Variants in ARPP21 observed in about 807,000 individuals in gnomAD.
ARPP21 encodes the protein cAMP-regulated phosphoprotein 21.
In ARPP21, 69 loss-of-function variants were observed where a neutral mutation model predicts 113.2. The ratio of observed to expected loss-of-function variants is 0.61; its 90% CI spans 0.50 to 0.74. The LOEUF (loss-of-function observed/expected upper bound fraction) is 0.74, where lower values mean the gene tolerates loss of function less well. ARPP21 is among the 30% of genes least tolerant of loss of function. The pLI is 0.00. For missense variants in ARPP21, 1,070 were observed against 1,037.4 expected, an observed-to-expected ratio of 1.03 and a Z score of -0.43; for synonymous variants, 368 against 375.5, an observed-to-expected ratio of 0.98 and a Z score of 0.23.
intron 15 of ARPP21, among the ~76,000 whole-genome samples, chr3:35,734,053 C>T (rs983265907): frequency 6.6e-6 from 1 of 152,012 alleles, no homozygotes; most frequent in African/African-American, 2.4e-5. Context: ...AGTAAAAATC[C>T]TTTCTTTTTC....
intron 19 of ARPP21, among the ~76,000 whole-genome samples, chr3:35,748,067 G>GAAGGAAGA (rs1180382135): frequency 1.2e-3 from 108 of 86,940 alleles, no homozygotes; most frequent in East Asian, 6.7e-3. Context: ...AAGAAGGAAG[G>GAAGGAAGA]AAGAAAGAAA....
intron 19 of ARPP21, among the ~76,000 whole-genome samples, chr3:35,770,302 G>C: frequency 6.6e-6 from 1 of 152,132 alleles, no homozygotes; most frequent in East Asian, 1.9e-4. Context: ...CTAGGAAAGA[G>C]TGGGTTGGTG....
chr3:35,656,571 C>T (rs1406283842), intron 1 of ARPP21, among the ~76,000 whole-genome samples: 2 of 151,944 alleles, frequency 1.3e-5, no homozygotes, highest in Non-Finnish European at 2.9e-5. Context: ...CAAGTCATTG[C>T]AGACTGTATG....
At chr3:35,739,907 C>T (rs2094557224) in intron 18 of ARPP21, among the ~76,000 whole-genome samples, 1 of 152,162 alleles carries the variant, frequency 6.6e-6, no homozygotes, top group Admixed American at 6.5e-5. Flanking sequence ...AAGGAAAAGC[C>T]TTGGGGAAGG....
intron 19 of ARPP21, among the ~76,000 whole-genome samples, chr3:35,784,223 T>A (rs1220140756): frequency 2.0e-5 from 3 of 152,208 alleles, no homozygotes; most frequent in African/African-American, 7.2e-5. Context: ...AAAATGTACA[T>A]GAACTGAAAA....
chr3:35,728,115 A>T (rs189842142), intron 14 of ARPP21, among the ~76,000 whole-genome samples: 1 of 150,328 alleles, frequency 6.7e-6, no homozygotes, highest in South Asian at 2.1e-4. Flanking sequence ...AATATGTAAA[A>T]TTCAATGCAG....
intron 15 of ARPP21, among the ~76,000 whole-genome samples, chr3:35,732,382 A>G (rs942659364): frequency 6.6e-6 from 1 of 152,196 alleles, no homozygotes; most frequent in African/African-American, 2.4e-5. Context: ...TCAGCTTTCA[A>G]CAGGTCCATT....
intron 7 of ARPP21, among the ~76,000 whole-genome samples, chr3:35,689,602 T>C (rs548076442): frequency 6.6e-6 from 1 of 151,742 alleles, no homozygotes; most frequent in South Asian, 2.1e-4. Flanking sequence ...TAATAAATTA[T>C]ACTTTAACAG....
intron 1 of ARPP21, among the ~76,000 whole-genome samples, chr3:35,660,762 T>C (rs186405289): frequency 1.1e-4 from 16 of 152,312 alleles, no homozygotes; most frequent in Admixed American, 1.0e-3. Flanking sequence ...GCTTCTATTC[T>C]TTTTTGTGGG....
At chr3:35,683,950 T>A in intron 5 of ARPP21, 135 bp downstream of exon 5, 1 of 1,190,496 alleles carries the variant, frequency 8.4e-7, no homozygotes, top group East Asian at 2.4e-5. Flanking sequence ...TTTGGCTTTA[T>A]CCCCTGCTTA....
At chr3:35,777,563 C>G (rs919156817) in intron 19 of ARPP21, among the ~76,000 whole-genome samples, 1 of 152,190 alleles carries the variant, frequency 6.6e-6, no homozygotes, top group Non-Finnish European at 1.5e-5. Context: ...AATATTTGAA[C>G]AAATTATGGC....
intron 12 of ARPP21, among the ~76,000 whole-genome samples, chr3:35,717,033 T>A (rs2092502675): frequency 6.6e-6 from 1 of 152,044 alleles, no homozygotes. Flanking sequence ...CTATTATACC[T>A]ATATCAATCT....
chr3:35,787,629 T>G (rs2096660091), intron 19 of ARPP21, among the ~76,000 whole-genome samples: 1 of 152,236 alleles, frequency 6.6e-6, no homozygotes, highest in Non-Finnish European at 1.5e-5. Flanking sequence ...TGTTTTACAT[T>G]TAATTTCTCT....
chr3:35,768,940 A>G (rs1012709301), intron 19 of ARPP21, among the ~76,000 whole-genome samples: 3 of 152,208 alleles, frequency 2.0e-5, no homozygotes, highest in African/African-American at 7.2e-5. Context: ...AGGCTAGTAT[A>G]TAAGAATCTC....
chr3:35,694,794 A>G (rs923721239), intron 9 of ARPP21, among the ~76,000 whole-genome samples: 1 of 150,974 alleles, frequency 6.6e-6, no homozygotes, highest in African/African-American at 2.4e-5. Context: ...ACTCAATGGT[A>G]TCATTAAGTA....
intron 4 of ARPP21, 101 bp downstream of exon 4, chr3:35,682,990 C>T: frequency 8.5e-7 from 1 of 1,178,798 alleles, no homozygotes; most frequent in East Asian, 2.5e-5. Flanking sequence ...ATGATTGTGT[C>T]CAGATATTGT....
At chr3:35,702,270 C>T (rs973166923) in intron 9 of ARPP21, among the ~76,000 whole-genome samples, 1 of 151,678 alleles carries the variant, frequency 6.6e-6, no homozygotes, top group African/African-American at 2.4e-5. Flanking sequence ...TATAGAGTCA[C>T]ATATCCTACA....
At chr3:35,654,958 TTTTC>T (rs1289151089) in intron 1 of ARPP21, among the ~76,000 whole-genome samples, 3 of 151,986 alleles carry the variant, frequency 2.0e-5, no homozygotes, top group African/African-American at 7.2e-5. Context: ...ACCAAAATAA[TTTTC>T]TTTGTTTTCC....
At chr3:35,776,161 G>T (rs900847142) in intron 19 of ARPP21, among the ~76,000 whole-genome samples, 1 of 152,020 alleles carries the variant, frequency 6.6e-6, no homozygotes, top group Non-Finnish European at 1.5e-5. Flanking sequence ...TGTGTGTTGA[G>T]AATGTTATTA....
Sources: gnomAD v4.1 joint callset for allele counts (sites outside exome capture counted in the v4.1 genomes callset) on GRCh38, gnomAD v4.1.1 for gene constraint, MANE v1.5 for transcripts, NCBI Gene and HGNC (gene_info 2026-07-23, HGNC 2026-07-21) for gene names.